The following AUTS2 variants were observed in gnomAD, a reference collection of about 807,000 sequenced individuals.
The protein encoded by AUTS2 is autism susceptibility gene 2 protein.
In AUTS2, 17 loss-of-function variants were observed where a neutral mutation model predicts 112.4. The ratio of observed to expected loss-of-function variants is 0.15; its 90% CI spans 0.10 to 0.23. The LOEUF (loss-of-function observed/expected upper bound fraction) is 0.23, where lower values mean the gene tolerates loss of function less well. Among genes scored for constraint, AUTS2 ranks in the 10% least tolerant of loss-of-function variants. The pLI is 1.00. For missense variants in AUTS2, 1,510 were observed against 1,701.6 expected, an observed-to-expected ratio of 0.89 and a Z score of 1.98; for synonymous variants, 751 against 702.7, an observed-to-expected ratio of 1.07 and a Z score of -1.09.
intron 1 of AUTS2, among the ~76,000 whole-genome samples, chr7:69,603,581 G>T (rs1044937856): frequency 1.3e-5 from 2 of 152,188 alleles, no homozygotes; most frequent in African/African-American, 4.8e-5. Flanking sequence ...CTTCTCTTGA[G>T]TAATTGTGCC....
chr7:70,179,403 T>C (rs2129580440), intron 4 of AUTS2, among the ~76,000 whole-genome samples: 1 of 152,348 alleles, frequency 6.6e-6, no homozygotes, highest in East Asian at 1.9e-4. Context: ...CATTGTGCTT[T>C]TCTTTTCATG....
In AUTS2 at chr7:70,121,013, G is replaced by A. The variant is rs147631808; in HGVS notation, c.624+2780G>A. ...CTAATATTAGACATACAGACCAATG[G>A]AGTAGAATGGAGAGCCCAGAAGGGA... On this transcript the variant is annotated intron_variant, in intron 3 of 18. Transcript: ENST00000342771. Among the ~76,000 whole-genome samples, 213 of 152,230 alleles carry A rather than the reference G, an allele frequency of 1.4e-3. 1 individual carries two copies. In the East Asian group the frequency reaches 0.015, roughly 11 times the overall value.
chr7:69,782,182 T>C (rs1322193767), intron 1 of AUTS2, among the ~76,000 whole-genome samples: 4 of 151,900 alleles, frequency 2.6e-5, no homozygotes, highest in African/African-American at 9.7e-5. Flanking sequence ...CTGGGCAGCA[T>C]AGTGAGACCT....
intron 4 of AUTS2, among the ~76,000 whole-genome samples, chr7:70,246,694 T>C (rs955688213): frequency 1.3e-5 from 2 of 152,050 alleles, no homozygotes; most frequent in Admixed American, 1.3e-4. Context: ...TACTCTTCCG[T>C]GTAAATTTTA....
intron 4 of AUTS2, among the ~76,000 whole-genome samples, chr7:70,385,230 G>A (rs1291509467): frequency 6.6e-6 from 1 of 152,096 alleles, no homozygotes; most frequent in East Asian, 1.9e-4. Context: ...TACTTTATTT[G>A]TACATAGCCA....
chr7:70,376,067 G>T (rs1162947363), intron 4 of AUTS2, among the ~76,000 whole-genome samples: 1 of 151,822 alleles, frequency 6.6e-6, no homozygotes, highest in Non-Finnish European at 1.5e-5. Flanking sequence ...AAGTTGCTCA[G>T]ATTTCTCTGC....
intron 2 of AUTS2, among the ~76,000 whole-genome samples, chr7:70,039,925 C>G (rs1422116065): frequency 1.3e-5 from 2 of 152,184 alleles, no homozygotes; most frequent in Non-Finnish European, 2.9e-5. Flanking sequence ...AACATCATCT[C>G]TTCTCTCAAG....
At chr7:69,921,762 TAA>T (rs35008506) in intron 2 of AUTS2, among the ~76,000 whole-genome samples, 102 of 100,528 alleles carry the variant, frequency 1.0e-3, no homozygotes, top group South Asian at 9.0e-3. Flanking sequence ...ACTCTGTCTT[TAA>T]AAAAAAAAAA....
At chr7:70,364,316 CA>C (rs938768566) in intron 4 of AUTS2, among the ~76,000 whole-genome samples, 17 of 151,832 alleles carry the variant, frequency 1.1e-4, no homozygotes, top group Non-Finnish European at 1.9e-4. Context: ...GTAATCCCAG[CA>C]CTTTGGGAGG....
Position 69,640,760 on chromosome 7 carries a change from G to T in AUTS2, c.309+40798G>T, listed in dbSNP as rs558948344. 2.6e-5 allele frequency among the ~76,000 whole-genome samples: 4 copies of T among 152,196 alleles called. No homozygotes were observed. In the South Asian group the frequency reaches 6.2e-4, roughly 24 times the overall value. On this transcript the variant is annotated intron_variant, in intron 1 of 18. Coordinates refer to ENST00000342771, the MANE Select transcript of AUTS2 (RefSeq NM_015570.4). ...ATGACACACTTGTTAATATCCCCCA[G>T]AACTTTGATTTGTAAAATAAAAAGG...
At chr7:69,916,179 GA>G (rs1403710735) in intron 2 of AUTS2, among the ~76,000 whole-genome samples, 2 of 152,036 alleles carry the variant, frequency 1.3e-5, no homozygotes, top group African/African-American at 2.4e-5. Context: ...TTTGTTTGTG[GA>G]AATCCTGTTT....
chr7:69,752,542 G>A (rs989357481), intron 1 of AUTS2, among the ~76,000 whole-genome samples: 3 of 152,110 alleles, frequency 2.0e-5, no homozygotes, highest in Non-Finnish European at 2.9e-5. Flanking sequence ...AATCAATGCC[G>A]CTTGCACTCA....
chr7:70,495,620 GCACA>G (rs1585215024), intron 5 of AUTS2, among the ~76,000 whole-genome samples: 2 of 44,014 alleles, frequency 4.5e-5, no homozygotes, highest in East Asian at 7.3e-4. Flanking sequence ...GTACACAGTC[GCACA>G]CACACACCCC....
At chr7:70,761,264 C>A (rs1789550292) in intron 6 of AUTS2, among the ~76,000 whole-genome samples, 1 of 152,164 alleles carries the variant, frequency 6.6e-6, no homozygotes, top group African/African-American at 2.4e-5. Flanking sequence ...TGTGATTACA[C>A]CTGTGAATAT....
intron 5 of AUTS2, among the ~76,000 whole-genome samples, chr7:70,599,657 C>T (rs2129529697): frequency 6.6e-6 from 1 of 152,232 alleles, no homozygotes; most frequent in South Asian, 2.1e-4. Context: ...TTAAGGAGTG[C>T]CCTTTGGATC....
chr7:69,880,213 G>A (rs943080639), intron 1 of AUTS2, among the ~76,000 whole-genome samples: 4 of 152,090 alleles, frequency 2.6e-5, no homozygotes, highest in Admixed American at 6.5e-5. Context: ...ACTAGATCTC[G>A]TGAGAGCTCA....
At chr7:70,464,309 G>T (rs1414465564) in intron 5 of AUTS2, among the ~76,000 whole-genome samples, 2 of 152,198 alleles carry the variant, frequency 1.3e-5, no homozygotes, top group Admixed American at 6.5e-5. Context: ...TGAGAAAGCA[G>T]AGGAGGCAGT....
At chr7:70,303,432 G>A (rs58580951) in intron 4 of AUTS2, among the ~76,000 whole-genome samples, 1,315 of 103,140 alleles carry the variant, frequency 0.013, 21 homozygotes, top group African/African-American at 0.047. Flanking sequence ...ACGCGCGCGC[G>A]CGCACATACA....
At chr7:70,150,433 A>G (rs962175169) in intron 4 of AUTS2, among the ~76,000 whole-genome samples, 1 of 152,204 alleles carries the variant, frequency 6.6e-6, no homozygotes, top group African/African-American at 2.4e-5. Context: ...CAGAAACACA[A>G]AAAGTTTCAC....
Sources: gnomAD v4.1 joint callset for allele counts (sites outside exome capture counted in the v4.1 genomes callset) on GRCh38, gnomAD v4.1.1 for gene constraint, MANE v1.5 for transcripts, NCBI Gene and HGNC (gene_info 2026-07-23, HGNC 2026-07-21) for gene names.